Variants in PDK1 observed in about 807,000 individuals in gnomAD.
PDK1 encodes [Pyruvate dehydrogenase (acetyl-transferring)] kinase isozyme 1, mitochondrial.
In PDK1, 39 loss-of-function variants were observed where a neutral mutation model predicts 54.2. The observed-to-expected ratio is 0.72, with a 90% confidence interval of 0.56 to 0.94. The LOEUF (loss-of-function observed/expected upper bound fraction) is 0.94. PDK1 is among the 40% of genes least tolerant of loss of function. PDK1 has a pLI of 0.00. For synonymous variants in PDK1, 221 were observed against 207.1 expected (o/e 1.07, Z -0.58); for missense variants, 552 against 566.0 (o/e 0.98, Z 0.25).
At chr2:172,661,620 A>G in the PDK1 span, among the ~76,000 whole-genome samples, 2 of 152,210 alleles carry the variant, frequency 1.3e-5, no homozygotes, top group African/African-American at 2.4e-5. Context: ...ATGGAATGCT[A>G]TGTAGTCATA....
the PDK1 span, among the ~76,000 whole-genome samples, chr2:172,670,877 C>T: frequency 6.6e-6 from 1 of 152,090 alleles, no homozygotes; most frequent in Non-Finnish European, 1.5e-5. Context: ...ACGAACGTCC[C>T]TCCCAAGGTG....
At chr2:172,663,907 A>G in the PDK1 span, among the ~76,000 whole-genome samples, 1 of 151,438 alleles carries the variant, frequency 6.6e-6, no homozygotes, top group African/African-American at 2.4e-5. Flanking sequence ...GTTCTGCAAC[A>G]TTCCAACTTC....
chr2:172,590,302 C>A (rs1690495083), intron 9 of PDK1, among the ~76,000 whole-genome samples: 1 of 152,192 alleles, frequency 6.6e-6, no homozygotes, highest in African/African-American at 2.4e-5. Flanking sequence ...TTGGTTTCTT[C>A]TGGTAGGTTC....
the PDK1 span, among the ~76,000 whole-genome samples, chr2:172,708,963 G>T: frequency 2.0e-5 from 3 of 152,158 alleles, no homozygotes; most frequent in Admixed American, 6.5e-5. Context: ...GATTAGGTAT[G>T]CTCAACCTGT....
the PDK1 span, among the ~76,000 whole-genome samples, chr2:172,703,762 C>CTTTT: frequency 1.9e-5 from 2 of 103,252 alleles, no homozygotes; most frequent in South Asian, 3.4e-4. Flanking sequence ...TTCTTTCTTT[C>CTTTT]TTTCTTTTTT....
chr2:172,697,286 C>T, the PDK1 span, among the ~76,000 whole-genome samples: 1 of 152,134 alleles, frequency 6.6e-6, no homozygotes, highest in South Asian at 2.1e-4. Flanking sequence ...CCTGTTTGTA[C>T]AGTCCCAGAG....
chr2:172,723,589 A>C, the PDK1 span: 1 of 152,224 alleles, frequency 6.6e-6, no homozygotes, highest in Non-Finnish European at 1.5e-5. Context: ...GGATTGTTTT[A>C]GATCAAAAAA....
chr2:172,586,341 T>C lies in PDK1; in HGVS notation c.1009T>C (p.Ser337Pro). The change falls in exon 9 of 11, where the codon TCA (serine) becomes CCA (proline). Residue 337 changes from serine (S) to proline (P), a missense_variant. Transcript: ENST00000282077. Reference sequence around the variant, plus strand: ...TGACAGACTTTTCAACTACATGTATTCAACTGCACCAAGACCTCGTGTTGA... The same window carrying C: ...TGACAGACTTTTCAACTACATGTATCCAACTGCACCAAGACCTCGTGTTGA... Reference protein sequence around the residue: ...KIDRLFNYMYSTAPRPRVETS... With the variant: ...KIDRLFNYMYPTAPRPRVETS... 6.2e-7 allele frequency: 1 copy of C among 1,613,250 alleles called. No individual in the cohort carries two copies. The highest frequency in any genetic ancestry group is 8.5e-7 in the Non-Finnish European group (1 of 1,179,324).
the PDK1 span, among the ~76,000 whole-genome samples, chr2:172,710,703 TGC>T: frequency 6.6e-6 from 1 of 152,204 alleles, no homozygotes; most frequent in African/African-American, 2.4e-5. Flanking sequence ...CTGCTGGAGG[TGC>T]CAGAGATCAG....
the PDK1 span, among the ~76,000 whole-genome samples, chr2:172,616,054 A>T: frequency 6.6e-5 from 10 of 152,222 alleles, no homozygotes; most frequent in Admixed American, 5.2e-4. Flanking sequence ...GTACAAATTA[A>T]GACCACATTG....
the PDK1 span, among the ~76,000 whole-genome samples, chr2:172,711,564 T>C: frequency 6.6e-6 from 1 of 152,198 alleles, no homozygotes; most frequent in Non-Finnish European, 1.5e-5. Flanking sequence ...TATAGAAGGC[T>C]GTCAAGACAG....
chr2:172,595,838 A>G lies in PDK1; in HGVS notation c.1180A>G (p.Thr394Ala). Residue 394 changes from threonine to alanine, a missense_variant, in exon 11 of 11, where the codon ACA becomes GCA. Physicochemically the swap from Thr to Ala is moderately conservative, Grantham distance 58 (BLOSUM62 0). Transcript: ENST00000282077. ...GGTTTTTCTTTTTCAGGCTCTGTCA[A>G]CAGACTCAATAGAAAGACTCCCAGT... ...DAVIYIKALS[T>A]DSIERLPVYN... is the part of the protein sequence containing the mutation. 3 of 1,613,840 alleles carry G rather than the reference A, an allele frequency of 1.9e-6. No homozygotes were observed. The highest frequency in any genetic ancestry group is 3.3e-5 in the Admixed American group (2 of 60,002).
At chr2:172,613,137 C>CT (rs1437347202), downstream of PDK1, among the ~76,000 whole-genome samples, 1 of 152,200 alleles carries the variant, frequency 6.6e-6, no homozygotes, top group Non-Finnish European at 1.5e-5. Context: ...TGATGCAGAA[C>CT]TGAGTCTTGA....
the PDK1 span, among the ~76,000 whole-genome samples, chr2:172,688,566 A>T: frequency 6.6e-6 from 1 of 152,290 alleles, no homozygotes; most frequent in African/African-American, 2.4e-5. Context: ...GCAGACCCCA[A>T]CGTGGGATTT....
chr2:172,617,053 G>A, the PDK1 span, among the ~76,000 whole-genome samples: 3 of 152,078 alleles, frequency 2.0e-5, no homozygotes, highest in Admixed American at 6.6e-5. Context: ...GGGTTCAAGC[G>A]ATTCTCCTGC....
At chr2:172,682,872 A>G in the PDK1 span, among the ~76,000 whole-genome samples, 1 of 152,058 alleles carries the variant, frequency 6.6e-6, no homozygotes. Flanking sequence ...ACACAAAATA[A>G]AGAGGCTGGA....
intron 8 of PDK1, among the ~76,000 whole-genome samples, chr2:172,579,525 CTT>C (rs10660737): frequency 6.3e-4 from 77 of 122,524 alleles, no homozygotes; most frequent in African/African-American, 1.6e-3. Flanking sequence ...CCCGCTCTTT[CTT>C]TTTTTTTTTT....
chr2:172,616,165 TG>T, the PDK1 span, among the ~76,000 whole-genome samples: 1 of 152,208 alleles, frequency 6.6e-6, no homozygotes, highest in Admixed American at 6.5e-5. Flanking sequence ...TGTGTAAATT[TG>T]TAAAATCACT....
At chr2:172,622,101 ATATAT>A in the PDK1 span, among the ~76,000 whole-genome samples, 1 of 136,634 alleles carries the variant, frequency 7.3e-6, no homozygotes, top group East Asian at 2.0e-4. Flanking sequence ...TTTATATCTC[ATATAT>A]TATGTGAGAT....
Sources: allele counts gnomAD v4.1 joint callset (sites outside exome capture counted in the v4.1 genomes callset), GRCh38; gene constraint gnomAD v4.1.1; transcripts MANE v1.5; gene names NCBI Gene and HGNC (gene_info 2026-07-23, HGNC 2026-07-21).